GLG1: variants seen among roughly 807,000 people sequenced by gnomAD.
The protein encoded by GLG1 is Golgi apparatus protein 1.
A neutral mutation model predicts 160.5 loss-of-function variants in GLG1; 38 were observed. The observed-to-expected ratio is 0.24, with a 90% confidence interval of 0.18 to 0.31. GLG1 has a LOEUF of 0.31. Ranked by LOEUF, GLG1 falls within the 10% of genes least tolerant of loss-of-function variation. GLG1 has a pLI of 1.00. For missense variants in GLG1, 1,373 were observed against 1,505.2 expected (o/e 0.91, Z 1.45); for synonymous variants, 644 against 543.4 (o/e 1.19, Z -2.57).
intron 25 of GLG1, among the ~76,000 whole-genome samples, chr16:74,455,957 C>T (rs2014520715): frequency 1.3e-5 from 2 of 152,174 alleles, no homozygotes; most frequent in South Asian, 4.1e-4. Context: ...TGAGGCTGAA[C>T]CTCTGTAGGA....
In GLG1 at chr16:74,451,687, G is replaced by A. The variant is rs2014311640; in HGVS notation, c.*1480C>T. 1 of 263,660 alleles carries A rather than the reference G, an allele frequency of 3.8e-6. No individual in the cohort carries two copies. Among genetic ancestry groups the A allele is most frequent in the Non-Finnish European group, 7.5e-6 (1 of 133,482 alleles). The allele number at this position is 263,660 out of a possible 1,614,324, so 16.3% of individuals were successfully genotyped here. On this transcript the variant is annotated 3_prime_UTR_variant, in exon 26 of 26. Coordinates refer to ENST00000422840, the MANE Select transcript of GLG1 (RefSeq NM_001145667.2). ...ATATTACATAAATGTCTCTCCTACT[G>A]TACACACTGCTCTCTTGTGCAGCCA...
chr16:74,540,626 G>A (rs1319085951), intron 1 of GLG1, among the ~76,000 whole-genome samples: 1 of 151,406 alleles, frequency 6.6e-6, no homozygotes, highest in Non-Finnish European at 1.5e-5. Flanking sequence ...TCTACTATCT[G>A]AAAATTTTTT....
intron 1 of GLG1, among the ~76,000 whole-genome samples, chr16:74,572,783 A>T (rs2143787929): frequency 6.6e-6 from 1 of 152,202 alleles, no homozygotes; most frequent in Non-Finnish European, 1.5e-5. Context: ...GAACCCAAGG[A>T]TAGTGAGGGG....
chr16:74,495,378 T>C (rs1292745606), intron 5 of GLG1, among the ~76,000 whole-genome samples: 1 of 152,242 alleles, frequency 6.6e-6, no homozygotes, highest in African/African-American at 2.4e-5. Context: ...CCTCCCAAAG[T>C]GCTGGGATTA....
At chr16:74,554,406 C>T (rs1324357129) in intron 1 of GLG1, among the ~76,000 whole-genome samples, 3 of 152,174 alleles carry the variant, frequency 2.0e-5, no homozygotes, top group Non-Finnish European at 4.4e-5. Flanking sequence ...CGGTGGTGGG[C>T]GCCTGTAACC....
chr16:74,592,859 A>T (rs773275251), intron 1 of GLG1, among the ~76,000 whole-genome samples: 1 of 152,118 alleles, frequency 6.6e-6, no homozygotes, highest in Admixed American at 6.6e-5. Flanking sequence ...CCCAAAGTTC[A>T]TGTGTTGGAA....
intron 1 of GLG1, among the ~76,000 whole-genome samples, chr16:74,562,338 AAGGCCTATGCCACTAATAAT>A: frequency 6.6e-6 from 1 of 152,258 alleles, no homozygotes; most frequent in Non-Finnish European, 1.5e-5. Context: ...TAGTCACTGG[AAGGCCTATGCCACTAATAAT>A]AGAACCTCAT....
intron 7 of GLG1, 65 bp downstream of exon 7, chr16:74,492,892 A>T: frequency 1.1e-6 from 1 of 943,878 alleles, no homozygotes; most frequent in Non-Finnish European, 1.5e-6. Context: ...TATATATATA[A>T]AGCTTTAGAG....
At chr16:74,505,196 G>A (rs568090745) in intron 3 of GLG1, among the ~76,000 whole-genome samples, 44 of 152,250 alleles carry the variant, frequency 2.9e-4, no homozygotes, top group African/African-American at 1.0e-3. Context: ...CACCACCGAG[G>A]AATTATCCTA....
intron 1 of GLG1, among the ~76,000 whole-genome samples, chr16:74,600,300 G>T (rs4888258): frequency 0.71 from 106,989 of 151,038 alleles, 38,476 homozygotes; most frequent in African/African-American, 0.83. Flanking sequence ...GGCTGAAGTG[G>T]GAGGAGAGCT....
chr16:74,515,364 C>T (rs148413015), intron 2 of GLG1, among the ~76,000 whole-genome samples: 1,955 of 152,290 alleles, frequency 0.013, 36 homozygotes, highest in Non-Finnish European at 0.015. Context: ...CACCACATTG[C>T]ACTTATTCTA....
At chr16:74,580,862 G>A (rs914543694) in intron 1 of GLG1, among the ~76,000 whole-genome samples, 2 of 152,154 alleles carry the variant, frequency 1.3e-5, no homozygotes, top group Non-Finnish European at 2.9e-5. Flanking sequence ...CCTGAGGTCA[G>A]GAATTTGAGA....
intron 2 of GLG1, among the ~76,000 whole-genome samples, chr16:74,511,778 T>C (rs908157386): frequency 6.6e-6 from 1 of 152,102 alleles, no homozygotes; most frequent in Non-Finnish European, 1.5e-5. Context: ...CAACAGACGT[T>C]TAGATGACCA....
chr16:74,570,361 T>C (rs560777801), intron 1 of GLG1, among the ~76,000 whole-genome samples: 1 of 152,096 alleles, frequency 6.6e-6, no homozygotes, highest in Non-Finnish European at 1.5e-5. Context: ...TTAATTCACA[T>C]AATAATTGTG....
At chr16:74,506,598 A>AAAAAAAAAAAAAAAAAAC (rs768101788) in intron 3 of GLG1, among the ~76,000 whole-genome samples, 37 of 144,670 alleles carry the variant, frequency 2.6e-4, no homozygotes, top group African/African-American at 7.4e-4. Flanking sequence ...AAAAAAAAAA[A>AAAAAAAAAAAAAAAAAAC]AAAAAACTCA....
intron 18 of GLG1, among the ~76,000 whole-genome samples, chr16:74,467,324 G>A (rs1459638786): frequency 6.6e-6 from 1 of 152,114 alleles, no homozygotes; most frequent in Non-Finnish European, 1.5e-5. Context: ...TTCTGGATAG[G>A]GTCCTGCTTC....
At chr16:74,520,857 T>C (rs1296414076) in intron 2 of GLG1, among the ~76,000 whole-genome samples, 2 of 152,142 alleles carry the variant, frequency 1.3e-5, no homozygotes, top group Non-Finnish European at 1.5e-5. Context: ...AGCTTTAAGG[T>C]ATTTTGTTTA....
At chr16:74,601,098 T>C (rs1280131304) in intron 1 of GLG1, among the ~76,000 whole-genome samples, 2 of 152,142 alleles carry the variant, frequency 1.3e-5, no homozygotes, top group Non-Finnish European at 2.9e-5. Context: ...AATCATAATA[T>C]ATCCTAAAGC....
At chr16:74,496,098 TA>T (rs2016175405) in intron 5 of GLG1, among the ~76,000 whole-genome samples, 1 of 152,124 alleles carries the variant, frequency 6.6e-6, no homozygotes, top group Non-Finnish European at 1.5e-5. Context: ...GCCCCATCTC[TA>T]CAAAAAATTT....
Sources: allele counts gnomAD v4.1 joint callset (sites outside exome capture counted in the v4.1 genomes callset), GRCh38; gene constraint gnomAD v4.1.1; transcripts MANE v1.5; gene names NCBI Gene and HGNC (gene_info 2026-07-23, HGNC 2026-07-21).